The following ST6GAL1 variants were observed in gnomAD, a reference collection of about 807,000 sequenced individuals.
ST6GAL1 encodes ST6 beta-galactoside alpha-2,6-sialyltransferase 1, also known as beta-galactoside alpha-2,6-sialyltransferase 1.
A neutral mutation model predicts 38.0 loss-of-function variants in ST6GAL1; 20 were observed. The ratio of observed to expected loss-of-function variants is 0.53; its 90% CI spans 0.37 to 0.77. ST6GAL1 has a LOEUF of 0.77. ST6GAL1 is among the 30% of genes least tolerant of loss of function. The probability of loss-of-function intolerance (pLI) is 0.00; values close to 1 mark genes in which losing one functional copy is unlikely to be tolerated. For missense variants in ST6GAL1, 432 were observed against 496.4 expected, an observed-to-expected ratio of 0.87 and a Z score of 1.23; for synonymous variants, 196 against 188.2, an observed-to-expected ratio of 1.04 and a Z score of -0.34.
rs370245620 is a variant in ST6GAL1, at chr3:186,997,670, T to C, written c.-183+33744T>C. Among the ~76,000 whole-genome samples the C allele has an allele frequency of 1.9e-4, 29 of 151,500 alleles. No homozygotes were observed. The East Asian group carries it at 5.3e-3, about 28-fold the overall frequency. On this transcript the variant is annotated intron_variant, in intron 2 of 7. Coordinates refer to ENST00000169298, the MANE Select transcript of ST6GAL1 (RefSeq NM_173216.2). ...TACTCAGGAGGCTGAGGCGAGAGGA[T>C]CACTTGAGCCTGCGAGATCGAGGCT...
chr3:187,076,509 A>T lies in ST6GAL1; in HGVS notation c.*706A>T. ...CTACGGTTCAGTGAGAGAGGCAGAC[A>T]TCTGAACAGGCAGGTAGGATTCAGT... On this transcript the variant is annotated 3_prime_UTR_variant, in exon 8 of 8. Transcript: ENST00000169298. The T allele has an allele frequency of 8.0e-6, 2 of 250,308 alleles. No homozygotes were observed. The highest frequency in any genetic ancestry group is 1.5e-5 in the Non-Finnish European group (2 of 133,136). The allele number at this position is 250,308 out of a possible 1,614,324, so 15.5% of individuals were successfully genotyped here.
chr3:187,031,308 G>A (rs1243940811), intron 2 of ST6GAL1, among the ~76,000 whole-genome samples: 2 of 152,218 alleles, frequency 1.3e-5, no homozygotes, highest in African/African-American at 4.8e-5. Context: ...GACATTTAGA[G>A]TGCCATTCTA....
intron 2 of ST6GAL1, among the ~76,000 whole-genome samples, chr3:187,024,404 T>A (rs1717443561): frequency 7.1e-6 from 1 of 141,698 alleles, no homozygotes; most frequent in South Asian, 2.3e-4. Flanking sequence ...AAATGTTTTA[T>A]ATATATATAT....
At chr3:186,972,513 G>A (rs1220722286) in intron 2 of ST6GAL1, among the ~76,000 whole-genome samples, 2 of 152,008 alleles carry the variant, frequency 1.3e-5, no homozygotes, top group African/African-American at 2.4e-5. Flanking sequence ...GCCTCCCAAA[G>A]TGTTGGGATT....
At chr3:187,004,002 G>A (rs942952368) in intron 2 of ST6GAL1, among the ~76,000 whole-genome samples, 3 of 152,180 alleles carry the variant, frequency 2.0e-5, no homozygotes, top group Non-Finnish European at 4.4e-5. Flanking sequence ...GCTGGAGGTG[G>A]GGCCTGCTGG....
At chr3:186,991,528 T>C (rs1409724352) in intron 2 of ST6GAL1, among the ~76,000 whole-genome samples, 9 of 152,170 alleles carry the variant, frequency 5.9e-5, no homozygotes, top group Admixed American at 5.2e-4. Context: ...TTGCTGGTTC[T>C]TTCCACACAT....
rs140499932 is a variant in ST6GAL1, at chr3:187,031,457, A to T, written c.-182-7285A>T. On this transcript the variant is annotated intron_variant, in intron 2 of 7. Transcript: ENST00000169298. ...TGGATTATCTTTTTTTTTTTTTGAGATGGAGTCTCGCTCTGTTGCCCAGGC... is the reference window on the plus strand; with the variant it reads ...TGGATTATCTTTTTTTTTTTTTGAGTTGGAGTCTCGCTCTGTTGCCCAGGC... 2.1e-3 allele frequency among the ~76,000 whole-genome samples: 306 copies of T among 149,032 alleles called. 6 individuals are homozygous for T. The East Asian group carries it at 0.047, about 23-fold the overall frequency.
At chr3:187,061,879 T>C (rs967941236) in intron 5 of ST6GAL1, among the ~76,000 whole-genome samples, 12 of 152,166 alleles carry the variant, frequency 7.9e-5, no homozygotes, top group African/African-American at 2.9e-4. Context: ...AGTTGGACTT[T>C]ATGAAAATTA....
At position 187,075,925 on chromosome 3, in the gene ST6GAL1, C is replaced by T. The variant is rs1719546033; in HGVS notation, c.*122C>T. The T allele has an allele frequency of 2.8e-6, 4 of 1,439,378 alleles. No individual in the cohort carries two copies. The highest frequency in any genetic ancestry group is 3.7e-6 in the Non-Finnish European group (4 of 1,078,970). The allele number at this position is 1,439,378 out of a possible 1,614,324, so 89.2% of individuals were successfully genotyped here. The stretch of plus-strand genomic sequence containing the variant: ...CTCCTTTTACTCTAGGGGCCTCTGT[C>T]AGCAAGACCATGGGGACTTCAAGAG... On this transcript the variant is annotated 3_prime_UTR_variant, in exon 8 of 8. Coordinates refer to ENST00000169298, the MANE Select transcript of ST6GAL1 (RefSeq NM_173216.2). The surrounding 1 kb of genome is among the most constrained non-coding windows in gnomAD (Gnocchi z 4.1).
intron 5 of ST6GAL1, among the ~76,000 whole-genome samples, chr3:187,067,813 G>A (rs148715906): frequency 1.1e-4 from 17 of 152,132 alleles, no homozygotes; most frequent in Non-Finnish European, 2.1e-4. Flanking sequence ...CAAACTCATC[G>A]TAGCCTTAGA....
At chr3:186,947,253 T>C (rs1714401909) in intron 1 of ST6GAL1, among the ~76,000 whole-genome samples, 2 of 152,044 alleles carry the variant, frequency 1.3e-5, no homozygotes, top group Admixed American at 1.3e-4. Context: ...ATGAGGGAAC[T>C]GAAGTTAAGG....
intron 1 of ST6GAL1, among the ~76,000 whole-genome samples, chr3:186,940,086 A>G (rs1714111335): frequency 6.6e-6 from 1 of 152,174 alleles, no homozygotes; most frequent in Admixed American, 6.5e-5. Context: ...GACACCCATT[A>G]TTTCAAGACC....
intron 2 of ST6GAL1, among the ~76,000 whole-genome samples, chr3:186,989,929 C>T (rs1353346451): frequency 6.6e-6 from 1 of 152,212 alleles, no homozygotes; most frequent in African/African-American, 2.4e-5. Context: ...CTTCCTTATC[C>T]ACCCTTATCT....
At chr3:187,019,826 T>C (rs1673055589) in intron 2 of ST6GAL1, among the ~76,000 whole-genome samples, 1 of 152,162 alleles carries the variant, frequency 6.6e-6, no homozygotes, top group South Asian at 2.1e-4. Context: ...AGGGTGAGGT[T>C]TGTGCACTAA....
At chr3:187,043,376 T>C in intron 4 of ST6GAL1, 66 bp downstream of exon 4, 1 of 1,555,766 alleles carries the variant, frequency 6.4e-7, no homozygotes. Context: ...ATTGATGGTA[T>C]GGGAGACAAG....
intron 2 of ST6GAL1, among the ~76,000 whole-genome samples, chr3:187,033,499 A>G (rs889113282): frequency 6.6e-6 from 1 of 152,216 alleles, no homozygotes; most frequent in Non-Finnish European, 1.5e-5. Flanking sequence ...AGTCTCAACC[A>G]TTTACATTTT....
chr3:186,989,356 C>T lies in ST6GAL1; in HGVS notation c.-183+25430C>T, dbSNP rs77701897. Among the ~76,000 whole-genome samples, 524 of 152,274 alleles carry T rather than the reference C, an allele frequency of 3.4e-3. 6 individuals are homozygous for T. The highest frequency in any genetic ancestry group is 0.012 in the African/African-American group (496 of 41,540). On this transcript the variant is annotated intron_variant, in intron 2 of 7. Coordinates refer to ENST00000169298, the MANE Select transcript of ST6GAL1 (RefSeq NM_173216.2). ...GGGAATGGGGAAGAGTTCAGTCCAA[C>T]GTATAAAAACATTTCTTAATTAATA...
intron 5 of ST6GAL1, among the ~76,000 whole-genome samples, chr3:187,054,099 TTGTC>T (rs1718606732): frequency 6.6e-6 from 1 of 152,188 alleles, no homozygotes; most frequent in Non-Finnish European, 1.5e-5. Context: ...GGCTCTCTGT[TTGTC>T]TGTTATTGGT....
rs562116518 is a variant in ST6GAL1, at chr3:187,007,018, C to T, written c.-182-31724C>T. The stretch of plus-strand genomic sequence containing the variant: ...GCTAGTACAGCCAAGATGAAATAAT[C>T]CAACCACAATCTCTACCAATGTTTA... On this transcript the variant is annotated intron_variant, in intron 2 of 7. Coordinates refer to ENST00000169298, the MANE Select transcript of ST6GAL1 (RefSeq NM_173216.2). Among the ~76,000 whole-genome samples, 55 of 152,224 alleles carry T rather than the reference C, an allele frequency of 3.6e-4. No individual in the cohort carries two copies. The South Asian group carries it at 7.0e-3, about 19-fold the overall frequency.
Sources: gnomAD v4.1 joint callset for allele counts (sites outside exome capture counted in the v4.1 genomes callset) on GRCh38, gnomAD v4.1.1 for gene constraint, Gnocchi (gnomAD v3.1) non-coding constraint, MANE v1.5 for transcripts, NCBI Gene and HGNC (gene_info 2026-07-23, HGNC 2026-07-21) for gene names.